The following ARHGAP42 variants were observed in gnomAD, a reference collection of about 807,000 sequenced individuals.
ARHGAP42 encodes the protein Rho GTPase activating protein 42.
A neutral mutation model predicts 125.0 loss-of-function variants in ARHGAP42; 63 were observed. The observed-to-expected ratio is 0.50, with a 90% CI of 0.41 to 0.62. The LOEUF (loss-of-function observed/expected upper bound fraction) is 0.62. Ranked by LOEUF, ARHGAP42 falls within the 20% of genes least tolerant of loss-of-function variation. ARHGAP42 has a pLI of 0.00. For missense variants in ARHGAP42, 766 were observed against 1,024.2 expected (o/e 0.75, Z 3.44); for synonymous variants, 339 against 351.0 (o/e 0.97, Z 0.38).
intron 2 of ARHGAP42, among the ~76,000 whole-genome samples, chr11:100,776,893 G>C (rs1046930939): frequency 2.8e-4 from 42 of 149,016 alleles, no homozygotes; most frequent in African/African-American, 1.0e-3. Context: ...TGAGGCAGGA[G>C]AACCACTTGA....
At chr11:100,774,244 T>A (rs1047263442) in intron 2 of ARHGAP42, among the ~76,000 whole-genome samples, 1 of 152,182 alleles carries the variant, frequency 6.6e-6, no homozygotes, top group African/African-American at 2.4e-5. Context: ...GGAAAATGTA[T>A]CCCTGGGACT....
At chr11:100,803,399 G>A (rs1023845185) in intron 3 of ARHGAP42, among the ~76,000 whole-genome samples, 4 of 152,182 alleles carry the variant, frequency 2.6e-5, no homozygotes, top group African/African-American at 9.7e-5. Flanking sequence ...CCCAGGCTAA[G>A]AGTATGAGAC....
intron 7 of ARHGAP42, among the ~76,000 whole-genome samples, chr11:100,935,368 C>T (rs532016600): frequency 7.2e-4 from 110 of 152,210 alleles, no homozygotes; most frequent in African/African-American, 2.6e-3. Context: ...ACACTCACCT[C>T]TTAATAATAC....
chr11:100,946,909 G>A lies in ARHGAP42; in HGVS notation c.1044-1548G>A, dbSNP rs1449328388. The stretch of plus-strand genomic sequence containing the variant: ...AACAAACCATCAATTTGTTAAAAAT[G>A]CAGTATCTGCAAAGCTCAATCAAGC... On this transcript the variant is annotated intron_variant, in intron 10 of 23. Coordinates refer to ENST00000298815, the MANE Select transcript of ARHGAP42 (RefSeq NM_152432.4). Among the ~76,000 whole-genome samples the A allele has an allele frequency of 2.0e-5, 3 of 151,768 alleles. No individual in the cohort carries two copies. The East Asian group carries it at 5.8e-4, about 29-fold the overall frequency.
At chr11:100,968,057 C>G (rs1170645702) in intron 17 of ARHGAP42, among the ~76,000 whole-genome samples, 1 of 152,112 alleles carries the variant, frequency 6.6e-6, no homozygotes, top group African/African-American at 2.4e-5. Context: ...TTATCTTTAT[C>G]TCTAATAGCA....
chr11:100,968,350 T>C (rs1388532819), intron 17 of ARHGAP42, among the ~76,000 whole-genome samples: 1 of 152,180 alleles, frequency 6.6e-6, no homozygotes, highest in Non-Finnish European at 1.5e-5. Context: ...GTTTTCTATA[T>C]GTTTCATGTT....
At chr11:100,911,679 A>G (rs563672305) in intron 4 of ARHGAP42, among the ~76,000 whole-genome samples, 12 of 152,212 alleles carry the variant, frequency 7.9e-5, no homozygotes, top group Middle Eastern at 6.8e-3. Context: ...AAGATGAGAA[A>G]TTCACCTGGG....
chr11:100,789,293 A>T (rs1300115886), intron 2 of ARHGAP42, among the ~76,000 whole-genome samples: 1 of 152,236 alleles, frequency 6.6e-6, no homozygotes, highest in African/African-American at 2.4e-5. Flanking sequence ...TTTCCTAGAG[A>T]TATAACAACA....
rs182536844 is a variant in ARHGAP42 at position 100,849,070 on chromosome 11, C to T, written c.313-10484C>T. Among the ~76,000 whole-genome samples, 361 of 152,158 alleles carry T rather than the reference C, an allele frequency of 2.4e-3. 2 individuals are homozygous for T. Among genetic ancestry groups the T allele is most frequent in the Non-Finnish European group, 3.5e-3 (238 of 68,010 alleles). ...AACTGAAAGTAATTCAAGCCATGGCCTAAGGGTAAGACCAAAAGAGGTCAG... is the reference window on the plus strand; with the variant it reads ...AACTGAAAGTAATTCAAGCCATGGCTTAAGGGTAAGACCAAAAGAGGTCAG... On this transcript the variant is annotated intron_variant, in intron 3 of 23. Coordinates refer to ENST00000298815, the MANE Select transcript of ARHGAP42 (RefSeq NM_152432.4).
At chr11:100,904,645 C>T (rs1866671597) in intron 4 of ARHGAP42, among the ~76,000 whole-genome samples, 1 of 152,090 alleles carries the variant, frequency 6.6e-6, no homozygotes, top group South Asian at 2.1e-4. Flanking sequence ...TCCCACCTGA[C>T]CTCCCCACCT....
chr11:100,695,855 C>A (rs1165459653), intron 1 of ARHGAP42, among the ~76,000 whole-genome samples: 1 of 152,030 alleles, frequency 6.6e-6, no homozygotes, highest in Non-Finnish European at 1.5e-5. Context: ...GAAAAATAAG[C>A]CTGAATTTTC....
At chr11:100,781,395 C>T (rs1863307602) in intron 2 of ARHGAP42, among the ~76,000 whole-genome samples, 1 of 151,834 alleles carries the variant, frequency 6.6e-6, no homozygotes, top group South Asian at 2.1e-4. Flanking sequence ...CTTTGGTGAG[C>T]ATGGGAGATA....
At position 100,950,778 on chromosome 11, in the gene ARHGAP42, G is replaced by A. The variant is rs187380712; in HGVS notation, c.1162+822G>A. On this transcript the variant is annotated intron_variant, in intron 12 of 23. Transcript: ENST00000298815. Reference sequence around the variant, plus strand: ...TAGGGTTATGTATATAACTTTGAAAGCAATTCCAAGTTTTATGTAATGCAA... The same window carrying A: ...TAGGGTTATGTATATAACTTTGAAAACAATTCCAAGTTTTATGTAATGCAA... 2.8e-3 allele frequency among the ~76,000 whole-genome samples: 423 copies of A among 152,220 alleles called. 1 individual carries two copies. Among genetic ancestry groups the A allele is most frequent in the African/African-American group, 9.7e-3 (404 of 41,548 alleles).
chr11:100,988,613 C>G, intron 23 of ARHGAP42, 100 bp from the exon 24 acceptor site: 1 of 927,278 alleles, frequency 1.1e-6, no homozygotes, highest in Non-Finnish European at 1.6e-6. Flanking sequence ...CCCACAGATA[C>G]TGAGGACTGA....
At position 100,988,806 on chromosome 11, in the gene ARHGAP42, A is replaced by AG. The variant is rs763508753; in HGVS notation, c.*5_*6insG. ...AATTATGTTGTCTTCCTCTAATACT[A>AG]TTTAGTGGATGGCAGTATCTTCATG... On this transcript the variant is annotated 3_prime_UTR_variant, in exon 24 of 24. Coordinates refer to ENST00000298815, the MANE Select transcript of ARHGAP42 (RefSeq NM_152432.4). 41 of 1,531,080 alleles carry AG rather than the reference A, an allele frequency of 2.7e-5. No individual in the cohort carries two copies. Among genetic ancestry groups the AG allele is most frequent in the South Asian group, 2.4e-5 (2 of 83,354 alleles). The allele number at this position is 1,531,080 out of a possible 1,614,324, so 94.8% of individuals were successfully genotyped here. A position where few individuals can be genotyped will look rare whatever the true frequency, so the allele number is the denominator to read the frequency against.
chr11:100,831,992 G>A (rs184120366), intron 3 of ARHGAP42, among the ~76,000 whole-genome samples: 1 of 152,304 alleles, frequency 6.6e-6, no homozygotes, highest in East Asian at 1.9e-4. Context: ...GAATTTTTGT[G>A]GACTGGCAGG....
chr11:100,971,593 A>C (rs1858250459), intron 17 of ARHGAP42, among the ~76,000 whole-genome samples: 1 of 152,198 alleles, frequency 6.6e-6, no homozygotes, highest in Non-Finnish European at 1.5e-5. Context: ...TCTTCTGTGC[A>C]ATGTAGTCAT....
At chr11:100,803,331 A>C (rs546547771) in intron 3 of ARHGAP42, among the ~76,000 whole-genome samples, 2 of 152,100 alleles carry the variant, frequency 1.3e-5, no homozygotes, top group African/African-American at 2.4e-5. Flanking sequence ...TGGAGATATA[A>C]ATTTAGGAGT....
At position 100,923,219 on chromosome 11, in the gene ARHGAP42, G is replaced by A. The variant is rs149477864; in HGVS notation, c.597+1615G>A. Reference sequence around the variant, plus strand: ...CATGGTTTTTGAAGCCTCGCTTCTTGCTAGCAAACTACTTCCCTAGGGCCT... The same window carrying A: ...CATGGTTTTTGAAGCCTCGCTTCTTACTAGCAAACTACTTCCCTAGGGCCT... On this transcript the variant is annotated intron_variant, in intron 6 of 23. Transcript: ENST00000298815. Among the ~76,000 whole-genome samples the A allele has an allele frequency of 2.5e-4, 38 of 152,240 alleles. No individual in the cohort carries two copies. The East Asian group carries it at 5.8e-3, about 23-fold the overall frequency.
Sources: gnomAD v4.1 joint callset for allele counts (sites outside exome capture counted in the v4.1 genomes callset) on GRCh38, gnomAD v4.1.1 for gene constraint, MANE v1.5 for transcripts, NCBI Gene and HGNC (gene_info 2026-07-23, HGNC 2026-07-21) for gene names.